Variants in CSMD1 observed in about 807,000 individuals in gnomAD.
The protein encoded by CSMD1 is CUB and Sushi multiple domains 1.
Under a neutral mutation model 417.5 loss-of-function variants are expected in CSMD1, and 213 were observed. The ratio of observed to expected loss-of-function variants is 0.51; its 90% CI spans 0.46 to 0.57. CSMD1 has a LOEUF of 0.57. Ranked by LOEUF, CSMD1 falls within the 20% of genes least tolerant of loss-of-function variation. The probability of loss-of-function intolerance (pLI) is 0.00; values close to 1 mark genes in which losing one functional copy is unlikely to be tolerated. For missense variants in CSMD1, 6,923 were observed against 4,529.7 expected, an observed-to-expected ratio of 1.53 and a Z score of -15.17; for synonymous variants, 2,862 against 1,736.8, an observed-to-expected ratio of 1.65 and a Z score of -16.11.
intron 5 of CSMD1, among the ~76,000 whole-genome samples, chr8:3,923,503 T>C (rs1809427322): frequency 6.6e-6 from 1 of 152,210 alleles, no homozygotes; most frequent in South Asian, 2.1e-4. Flanking sequence ...AGGTATTGTG[T>C]GTGTGTCTTT....
At chr8:3,426,864 A>G (rs781214155) in intron 12 of CSMD1, among the ~76,000 whole-genome samples, 8 of 152,180 alleles carry the variant, frequency 5.3e-5, no homozygotes, top group Non-Finnish European at 1.5e-5. Context: ...GAACTGCTCA[A>G]GACTGGGTAG....
intron 2 of CSMD1, among the ~76,000 whole-genome samples, chr8:4,437,768 A>G (rs1366195829): frequency 6.6e-6 from 1 of 152,116 alleles, no homozygotes; most frequent in African/African-American, 2.4e-5. Context: ...GTGAAGACAG[A>G]GATCTTTGAG....
chr8:4,915,482 A>G (rs1243567461), intron 1 of CSMD1, among the ~76,000 whole-genome samples: 1 of 152,214 alleles, frequency 6.6e-6, no homozygotes, highest in South Asian at 2.1e-4. Flanking sequence ...CAGAACCAAC[A>G]TATATTTATT....
At chr8:4,899,170 G>C (rs934163525) in intron 1 of CSMD1, among the ~76,000 whole-genome samples, 16 of 152,280 alleles carry the variant, frequency 1.1e-4, no homozygotes, top group Non-Finnish European at 2.2e-4. Context: ...TCTCTCAACT[G>C]CATTTATATG....
At chr8:4,011,561 A>C (rs1430460980) in intron 4 of CSMD1, among the ~76,000 whole-genome samples, 1 of 152,192 alleles carries the variant, frequency 6.6e-6, no homozygotes, top group Non-Finnish European at 1.5e-5. Flanking sequence ...CACAGCCAGA[A>C]ATCCAAGAGT....
intron 12 of CSMD1, among the ~76,000 whole-genome samples, chr8:3,411,922 G>GTATATATGCACGTATATATGCACA (rs1812776306): frequency 2.3e-5 from 2 of 88,566 alleles, no homozygotes; most frequent in Non-Finnish European, 4.9e-5. Flanking sequence ...ATATATGCAC[G>GTATATATGCACGTATATATGCACA]TATATATACA....
chr8:4,728,698 C>T (rs777645954), intron 1 of CSMD1, among the ~76,000 whole-genome samples: 24 of 151,958 alleles, frequency 1.6e-4, no homozygotes, highest in Admixed American at 5.2e-4. Context: ...CATTGTTTTA[C>T]ATATTTCTAT....
intron 3 of CSMD1, among the ~76,000 whole-genome samples, chr8:4,384,694 C>A (rs944806525): frequency 6.6e-6 from 1 of 152,252 alleles, no homozygotes; most frequent in East Asian, 1.9e-4. Context: ...ACGAGTGGGC[C>A]TTTCCCAGGG....
intron 21 of CSMD1, among the ~76,000 whole-genome samples, chr8:3,349,447 G>C (rs1808244715): frequency 6.6e-6 from 1 of 151,978 alleles, no homozygotes; most frequent in Non-Finnish European, 1.5e-5. Flanking sequence ...TGAGGAGAAA[G>C]TCAGAGAGGA....
At chr8:4,202,170 T>G (rs1336067550) in intron 3 of CSMD1, among the ~76,000 whole-genome samples, 1 of 152,166 alleles carries the variant, frequency 6.6e-6, no homozygotes, top group Non-Finnish European at 1.5e-5. Flanking sequence ...GATGACCAGC[T>G]GTGTTAGTAT....
intron 12 of CSMD1, among the ~76,000 whole-genome samples, chr8:3,415,686 T>A (rs939939202): frequency 6.6e-6 from 1 of 152,176 alleles, no homozygotes; most frequent in South Asian, 2.1e-4. Context: ...TAGGTGTGTG[T>A]GTATTATATG....
intron 3 of CSMD1, among the ~76,000 whole-genome samples, chr8:4,337,271 A>C (rs1272352006): frequency 1.3e-5 from 2 of 152,086 alleles, no homozygotes; most frequent in African/African-American, 4.8e-5. Flanking sequence ...TGGCAACTAA[A>C]TGCTTAATTT....
rs1200733752 is a variant in CSMD1, at chr8:4,976,044, A to G, written c.85+18288T>C. ...GAGCTTTTGTTTACTTGCAGGTAATAATTTCTTAAGCATAAGTGTCAATAA... is the reference window on the plus strand; with the variant it reads ...GAGCTTTTGTTTACTTGCAGGTAATGATTTCTTAAGCATAAGTGTCAATAA... On this transcript the variant is annotated intron_variant, in intron 1 of 69. Transcript: ENST00000635120. Among the ~76,000 whole-genome samples the G allele has an allele frequency of 2.0e-5, 3 of 152,184 alleles. No individual in the cohort carries two copies. In the East Asian group the frequency reaches 5.8e-4, roughly 29 times the overall value.
chr8:3,046,004 G>A (rs1344579949), intron 50 of CSMD1, among the ~76,000 whole-genome samples: 4 of 152,166 alleles, frequency 2.6e-5, no homozygotes, highest in East Asian at 3.9e-4. Flanking sequence ...ACTCACACAC[G>A]ATGTGGGTGG....
chr8:4,392,240 T>C (rs1339888102), intron 3 of CSMD1, among the ~76,000 whole-genome samples: 1 of 152,158 alleles, frequency 6.6e-6, no homozygotes, highest in African/African-American at 2.4e-5. Context: ...AATTTACTTG[T>C]GAGGATATAA....
intron 2 of CSMD1, among the ~76,000 whole-genome samples, chr8:4,451,661 C>G (rs556584008): frequency 9.9e-5 from 15 of 152,072 alleles, no homozygotes; most frequent in African/African-American, 2.4e-4. Context: ...ATTCCTTAGT[C>G]AATTGAGTTC....
chr8:2,978,492 G>A (rs1340587235), intron 55 of CSMD1, 120 bp downstream of exon 55: 1 of 747,132 alleles, frequency 1.3e-6, no homozygotes, highest in Admixed American at 3.0e-5. Flanking sequence ...TCCTACAATT[G>A]GTGATGGGAG....
intron 21 of CSMD1, among the ~76,000 whole-genome samples, chr8:3,355,034 C>T (rs997648214): frequency 7.1e-6 from 1 of 140,624 alleles, no homozygotes; most frequent in Admixed American, 7.0e-5. Flanking sequence ...TATTTTGTTT[C>T]ACTATGCTGT....
At chr8:4,248,355 C>T (rs1189693386) in intron 3 of CSMD1, among the ~76,000 whole-genome samples, 1 of 152,164 alleles carries the variant, frequency 6.6e-6, no homozygotes, top group Non-Finnish European at 1.5e-5. Flanking sequence ...CACGCTTTTA[C>T]CATCTCATCC....
Sources: allele counts gnomAD v4.1 joint callset (sites outside exome capture counted in the v4.1 genomes callset), GRCh38; gene constraint gnomAD v4.1.1; transcripts MANE v1.5; gene names NCBI Gene and HGNC (gene_info 2026-07-23, HGNC 2026-07-21).